Variants in CDH12 observed in about 807,000 individuals in gnomAD.
CDH12 encodes the protein cadherin 12.
CDH12 carries 41 observed loss-of-function variants against 74.1 expected under a neutral mutation model. The observed-to-expected ratio is 0.55, with a 90% CI of 0.43 to 0.72. The LOEUF (loss-of-function observed/expected upper bound fraction) is 0.72. Ranked by LOEUF, CDH12 falls within the 30% of genes least tolerant of loss-of-function variation. CDH12 has a pLI of 0.00. For synonymous variants in CDH12, 399 were observed against 355.0 expected (o/e 1.12, Z -1.39); for missense variants, 945 against 977.2 (o/e 0.97, Z 0.44).
At chr5:22,522,804 T>G (rs1361041158) in intron 1 of CDH12, among the ~76,000 whole-genome samples, 2 of 152,228 alleles carry the variant, frequency 1.3e-5, no homozygotes, top group Non-Finnish European at 2.9e-5. Flanking sequence ...TTTTGTGTTC[T>G]GTCATTCTGC....
At position 22,283,205 on chromosome 5, in the gene CDH12, GATATATATATAGATATATATATATATAT is replaced by G. The variant is rs1300316792; in HGVS notation, c.-332-70590_-332-70563del. ...ATAATTCCTGGAGGAACATCTGTGA[GATATATATATAGATATATATATATATAT>G]ATATATATATATATATATACACACA... On this transcript the variant is annotated intron_variant, in intron 3 of 14. Coordinates refer to ENST00000382254, the MANE Select transcript of CDH12 (RefSeq NM_004061.5). Among the ~76,000 whole-genome samples, 10 of 107,994 alleles carry G rather than the reference GATATATATATAGATATATATATATATAT, an allele frequency of 9.3e-5. No homozygotes were observed. The East Asian group carries it at 2.4e-3, about 26-fold the overall frequency. 70.8% of individuals were successfully genotyped at this position (107,994 alleles called of 152,430 possible).
At chr5:22,039,178 T>A (rs1004439821) in intron 5 of CDH12, among the ~76,000 whole-genome samples, 8 of 152,074 alleles carry the variant, frequency 5.3e-5, no homozygotes, top group African/African-American at 1.9e-4. Flanking sequence ...GGGATAACCC[T>A]TGGATCTGAG....
intron 6 of CDH12, among the ~76,000 whole-genome samples, chr5:21,931,242 T>C (rs948453838): frequency 5.3e-5 from 8 of 151,752 alleles, no homozygotes; most frequent in Non-Finnish European, 1.0e-4. Flanking sequence ...CTGAAAGTTG[T>C]GATAGAGGAA....
intron 1 of CDH12, among the ~76,000 whole-genome samples, chr5:22,540,333 T>C (rs947436253): frequency 6.6e-6 from 1 of 152,154 alleles, no homozygotes; most frequent in African/African-American, 2.4e-5. Flanking sequence ...GAAGTTATTA[T>C]TATGTTTAAT....
intron 5 of CDH12, among the ~76,000 whole-genome samples, chr5:22,053,127 T>C (rs1740500694): frequency 6.6e-6 from 1 of 151,808 alleles, no homozygotes; most frequent in Non-Finnish European, 1.5e-5. Flanking sequence ...GAAGTACCAC[T>C]CTGCATTTCT....
intron 3 of CDH12, among the ~76,000 whole-genome samples, chr5:22,327,180 G>T (rs1013958455): frequency 6.6e-6 from 1 of 151,992 alleles, no homozygotes; most frequent in African/African-American, 2.4e-5. Context: ...ACAAGGTCAG[G>T]TGGCTTTGTC....
At chr5:22,380,498 C>A in intron 3 of CDH12, among the ~76,000 whole-genome samples, 1 of 151,318 alleles carries the variant, frequency 6.6e-6, no homozygotes, top group Middle Eastern at 3.5e-3. Flanking sequence ...ATACTTGTCA[C>A]AGTATTTTAT....
chr5:22,415,331 A>G (rs1370979993), intron 2 of CDH12, among the ~76,000 whole-genome samples: 2 of 152,308 alleles, frequency 1.3e-5, no homozygotes, highest in Middle Eastern at 3.4e-3. Flanking sequence ...GAATAACTCA[A>G]TATTGCTTTA....
At chr5:22,039,133 C>A (rs894597110) in intron 5 of CDH12, among the ~76,000 whole-genome samples, 1 of 152,100 alleles carries the variant, frequency 6.6e-6, no homozygotes, top group African/African-American at 2.4e-5. Flanking sequence ...ATCGCAGGAT[C>A]CAGGGTCTAC....
chr5:22,114,847 G>C (rs1421786756), intron 4 of CDH12, among the ~76,000 whole-genome samples: 2 of 152,162 alleles, frequency 1.3e-5, no homozygotes, highest in South Asian at 2.1e-4. Context: ...AATCAAGTAA[G>C]AGTGTCCAAT....
chr5:22,034,560 T>G (rs557823191), intron 5 of CDH12, among the ~76,000 whole-genome samples: 13 of 152,302 alleles, frequency 8.5e-5, no homozygotes, highest in African/African-American at 3.1e-4. Context: ...TCTGTCTGCC[T>G]TCATGCTACA....
chr5:22,730,734 GA>G (rs942984951), intron 1 of CDH12, among the ~76,000 whole-genome samples: 2 of 150,872 alleles, frequency 1.3e-5, no homozygotes, highest in Non-Finnish European at 3.0e-5. Context: ...ACCAACAATG[GA>G]AAAAAAATCA....
chr5:21,857,197 G>A (rs1750799710), intron 6 of CDH12, among the ~76,000 whole-genome samples: 1 of 151,870 alleles, frequency 6.6e-6, no homozygotes, highest in Non-Finnish European at 1.5e-5. Flanking sequence ...GGAGGTAAGA[G>A]CAGGAGGTTG....
chr5:22,526,731 T>C (rs1737301625), intron 1 of CDH12, among the ~76,000 whole-genome samples: 1 of 152,160 alleles, frequency 6.6e-6, no homozygotes. Context: ...AAGTCCTTGA[T>C]GGTGGCAATA....
intron 1 of CDH12, among the ~76,000 whole-genome samples, chr5:22,608,079 G>A (rs1325742873): frequency 6.6e-6 from 1 of 152,160 alleles, no homozygotes; most frequent in Non-Finnish European, 1.5e-5. Flanking sequence ...TGAGAAGTGA[G>A]CCACCATCCT....
At chr5:21,810,229 C>T (rs950505079) in intron 9 of CDH12, among the ~76,000 whole-genome samples, 2 of 152,148 alleles carry the variant, frequency 1.3e-5, no homozygotes, top group African/African-American at 4.8e-5. Flanking sequence ...TCTATCTAAA[C>T]GTCTAAATAG....
chr5:22,419,054 G>T (rs1280555442), intron 2 of CDH12, among the ~76,000 whole-genome samples: 1 of 152,116 alleles, frequency 6.6e-6, no homozygotes, highest in Non-Finnish European at 1.5e-5. Flanking sequence ...TTCTGCTTAT[G>T]TGATGGATTA....
intron 5 of CDH12, among the ~76,000 whole-genome samples, chr5:22,019,820 C>T (rs975254700): frequency 2.0e-5 from 3 of 152,124 alleles, no homozygotes; most frequent in East Asian, 1.9e-4. Flanking sequence ...ATTAATGATG[C>T]CTTGAGCTCA....
intron 3 of CDH12, among the ~76,000 whole-genome samples, chr5:22,380,060 T>C (rs3099034): frequency 6.6e-6 from 1 of 152,132 alleles, no homozygotes; most frequent in African/African-American, 2.4e-5. Flanking sequence ...TGGCTGGTCC[T>C]CTCAAACATT....
Sources: allele counts gnomAD v4.1 joint callset (sites outside exome capture counted in the v4.1 genomes callset), GRCh38; gene constraint gnomAD v4.1.1; transcripts MANE v1.5; gene names NCBI Gene and HGNC (gene_info 2026-07-23, HGNC 2026-07-21).